UTP6: variants seen among roughly 807,000 people sequenced by gnomAD.
The protein encoded by UTP6 is UTP6 small subunit processome component, also known as U3 small nucleolar RNA-associated protein 6 homolog.
In UTP6, 60 loss-of-function variants were observed where a neutral mutation model predicts 96.5. The ratio of observed to expected loss-of-function variants is 0.62; its 90% CI spans 0.51 to 0.77. The LOEUF (loss-of-function observed/expected upper bound fraction) is 0.77, where lower values mean the gene tolerates loss of function less well. Ranked by LOEUF, UTP6 falls within the 30% of genes least tolerant of loss-of-function variation. The pLI is 0.00. For synonymous variants in UTP6, 215 were observed against 240.1 expected, an observed-to-expected ratio of 0.90 and a Z score of 0.96; for missense variants, 637 against 706.5, an observed-to-expected ratio of 0.90 and a Z score of 1.12.
intron 8 of UTP6, among the ~76,000 whole-genome samples, chr17:31,886,891 A>G (rs977119106): frequency 3.9e-5 from 6 of 152,212 alleles, no homozygotes; most frequent in African/African-American, 1.4e-4. Context: ...GTATTTGGCT[A>G]TTCTGTAAGT....
chr17:31,875,338 C>T lies in UTP6; in HGVS notation c.1201G>A (p.Asp401Asn). 5 of 1,614,206 alleles carry T rather than the reference C, an allele frequency of 3.1e-6. No homozygotes were observed. The highest frequency in any genetic ancestry group is 4.2e-6 in the Non-Finnish European group (5 of 1,180,056). The change falls in exon 14 of 19, where the codon GAC becomes AAC. Residue 401 changes from aspartate to asparagine, a missense_variant. Coordinates refer to ENST00000261708, the MANE Select transcript of UTP6 (RefSeq NM_018428.3). ...TTCAGCTGCCACATTGTCCCAGAGTCTCTAAACAATTCAGTTCCAGCTACT... is the reference window on the plus strand; with the variant it reads ...TTCAGCTGCCACATTGTCCCAGAGTTTCTAAACAATTCAGTTCCAGCTACT... ...VAVAGTELFR[D>N]SGTMWQLKLQ...
intron 13 of UTP6, among the ~76,000 whole-genome samples, chr17:31,876,143 TCTC>T (rs1910489760): frequency 6.6e-6 from 1 of 151,730 alleles, no homozygotes. Flanking sequence ...TTCAAGCAAT[TCTC>T]CTCCCTCAGC....
intron 1 of UTP6, 28 bp downstream of exon 1, chr17:31,901,508 C>A: frequency 6.2e-7 from 1 of 1,611,930 alleles, no homozygotes; most frequent in Admixed American, 1.7e-5. Flanking sequence ...GCCGCCTCAG[C>A]TCTTCCCTCT....
intron 10 of UTP6, among the ~76,000 whole-genome samples, chr17:31,883,817 C>G (rs1483244421): frequency 6.6e-6 from 1 of 151,760 alleles, no homozygotes; most frequent in Non-Finnish European, 1.5e-5. Flanking sequence ...GGTAGGACCA[C>G]AGGCATGCAC....
intron 6 of UTP6, 156 bp downstream of exon 6, chr17:31,892,104 C>A: frequency 1.5e-6 from 1 of 680,752 alleles, no homozygotes. Context: ...CAGGGGTGAA[C>A]TATGAGGCAG....
intron 2 of UTP6, among the ~76,000 whole-genome samples, chr17:31,896,415 G>C (rs1904645647): frequency 6.6e-6 from 1 of 152,066 alleles, no homozygotes; most frequent in Non-Finnish European, 1.5e-5. Flanking sequence ...ACTAATTACT[G>C]ATAAGGCTGA....
At chr17:31,887,482 G>C in intron 7 of UTP6, 169 bp from the exon 8 acceptor site, 1 of 573,582 alleles carries the variant, frequency 1.7e-6, no homozygotes, top group South Asian at 2.3e-5. Context: ...TGAGTAGCTA[G>C]GATTAGAGGT....
In UTP6 at chr17:31,863,232, T is replaced by C; in HGVS notation, c.*127A>G. The C allele has an allele frequency of 1.1e-6, 1 of 943,654 alleles. No individual in the cohort carries two copies. Among genetic ancestry groups the C allele is most frequent in the Non-Finnish European group, 1.6e-6 (1 of 622,124 alleles). The allele number at this position is 943,654 out of a possible 1,614,324, so 58.5% of individuals were successfully genotyped here. ...TTAACAAGTTAACATAAAATTAAAG[T>C]GTGTCTCAAAACCAGACAGCCATCT... On this transcript the variant is annotated 3_prime_UTR_variant, in exon 19 of 19. Coordinates refer to ENST00000261708, the MANE Select transcript of UTP6 (RefSeq NM_018428.3).
intron 14 of UTP6, 85 bp from the exon 15 acceptor site, chr17:31,873,838 T>C: frequency 7.0e-7 from 1 of 1,421,320 alleles, no homozygotes; most frequent in Non-Finnish European, 9.5e-7. Flanking sequence ...AAATATTATG[T>C]ATCAATTTTT....
chr17:31,899,522 G>T, intron 2 of UTP6, 124 bp downstream of exon 2: 1 of 572,564 alleles, frequency 1.7e-6, no homozygotes, highest in Non-Finnish European at 2.8e-6. Flanking sequence ...GAGGGCAGAG[G>T]TTGCAGTGAG....
chr17:31,878,496 A>T (rs947644982), intron 12 of UTP6, among the ~76,000 whole-genome samples, 169 bp from the exon 13 acceptor site: 1 of 152,198 alleles, frequency 6.6e-6, no homozygotes, highest in Non-Finnish European at 1.5e-5. Flanking sequence ...TGCACCGAAC[A>T]GAGCCCAGTT....
intron 14 of UTP6, 46 bp downstream of exon 14, chr17:31,875,188 A>C: frequency 6.2e-7 from 1 of 1,606,432 alleles, no homozygotes; most frequent in African/African-American, 1.3e-5. Context: ...GCTAGTCTTA[A>C]AAGGTTTCCC....
At position 31,875,253 on chromosome 17, in the gene UTP6, A is replaced by G. The variant is rs982757388; in HGVS notation, c.1286T>C (p.Phe429Ser). ...ACTGACCTGGGGTTTCAGGTGCACA[A>G]AGGCTTCTTCAAAAAGCATGGCTAT... ...PDIAMLFEEA[F>S]VHLKPQVCLP... Residue 429 changes from phenylalanine to serine, a missense_variant, in exon 14 of 19, where the codon TTT becomes TCT. Transcript: ENST00000261708. The G allele has an allele frequency of 6.2e-7, 1 of 1,614,034 alleles. No individual in the cohort carries two copies. The highest frequency in any genetic ancestry group is 8.5e-7 in the Non-Finnish European group (1 of 1,179,996).
chr17:31,891,228 T>C (rs1315640024), intron 6 of UTP6, among the ~76,000 whole-genome samples: 3 of 152,112 alleles, frequency 2.0e-5, no homozygotes, highest in Non-Finnish European at 4.4e-5. Context: ...AACATGTGAC[T>C]CCTAAAATTG....
At chr17:31,899,920 T>C (rs947445585) in intron 1 of UTP6, among the ~76,000 whole-genome samples, 190 bp from the exon 2 acceptor site, 4 of 151,562 alleles carry the variant, frequency 2.6e-5, no homozygotes, top group Non-Finnish European at 5.9e-5. Flanking sequence ...CTGAGGCGGG[T>C]AGATCAAGAG....
intron 18 of UTP6, among the ~76,000 whole-genome samples, chr17:31,864,135 G>A (rs1280710781): frequency 3.9e-5 from 6 of 151,904 alleles, no homozygotes; most frequent in Non-Finnish European, 8.8e-5. Context: ...CTGTAATCCC[G>A]GCACTTTGGG....
Position 31,894,685 on chromosome 17 carries a change from C to G in UTP6, c.272G>C (p.Arg91Pro). The G allele has an allele frequency of 6.2e-7, 1 of 1,611,586 alleles. No individual in the cohort carries two copies. The highest frequency in any genetic ancestry group is 1.3e-5 in the African/African-American group (1 of 74,984). Residue 91 changes from arginine to proline, a missense_variant, in exon 4 of 19, where the codon CGG becomes CCG. Transcript: ENST00000261708. Reference protein sequence around the residue: ...KDEIENSIVHRVQGVFQRASA... With the variant: ...KDEIENSIVHPVQGVFQRASA... ...GGCACGCTGGAAAACACCTTGTACCCGGTGTACAATAGAATTCTCAATCTC... is the reference window on the plus strand; with the variant it reads ...GGCACGCTGGAAAACACCTTGTACCGGGTGTACAATAGAATTCTCAATCTC...
chr17:31,866,941 G>A (rs1162899728), intron 17 of UTP6, among the ~76,000 whole-genome samples: 1 of 135,722 alleles, frequency 7.4e-6, no homozygotes, highest in Non-Finnish European at 1.6e-5. Context: ...TTTTAGACAT[G>A]CATGAAAAAC....
At chr17:31,868,201 C>T (rs753243234) in intron 16 of UTP6, 89 bp from the exon 17 acceptor site, 49 of 1,166,370 alleles carry the variant, frequency 4.2e-5, no homozygotes, top group Non-Finnish European at 6.0e-5. Flanking sequence ...AGTGCCTCCA[C>T]AACACATGGT....
Sources: allele counts gnomAD v4.1 joint callset (sites outside exome capture counted in the v4.1 genomes callset), GRCh38; gene constraint gnomAD v4.1.1; transcripts MANE v1.5; gene names NCBI Gene and HGNC (gene_info 2026-07-23, HGNC 2026-07-21).